CDC40: variants seen among roughly 807,000 people sequenced by gnomAD.
CDC40 encodes the protein pre-mRNA-processing factor 17.
In CDC40, 27 loss-of-function variants were observed where a neutral mutation model predicts 80.6. The ratio of observed to expected loss-of-function variants is 0.33; its 90% CI spans 0.25 to 0.46. The LOEUF (loss-of-function observed/expected upper bound fraction) is 0.46, where lower values mean the gene tolerates loss of function less well. Ranked by LOEUF, CDC40 falls within the 20% of genes least tolerant of loss-of-function variation. The probability of loss-of-function intolerance (pLI) is 1.00; values close to 1 mark genes in which losing one functional copy is unlikely to be tolerated. For missense variants in CDC40, 486 were observed against 694.1 expected (o/e 0.70, Z 3.37); for synonymous variants, 221 against 232.6 (o/e 0.95, Z 0.45).
chr6:110,190,721 G>A (rs544523015), intron 1 of CDC40, among the ~76,000 whole-genome samples: 1 of 152,264 alleles, frequency 6.6e-6, no homozygotes, highest in South Asian at 2.1e-4. Flanking sequence ...CAAGCTCAGG[G>A]GGACCGAGCT....
At chr6:110,208,310 TTTC>T in intron 4 of CDC40, among the ~76,000 whole-genome samples, 1 of 152,170 alleles carries the variant, frequency 6.6e-6, no homozygotes, top group East Asian at 1.9e-4. Context: ...TAGGTAGACA[TTTC>T]TTCTTTAAGC....
chr6:110,187,470 A>G (rs1014612401), intron 1 of CDC40, among the ~76,000 whole-genome samples: 34 of 152,148 alleles, frequency 2.2e-4, no homozygotes, highest in Non-Finnish European at 4.4e-5. Context: ...GTGAGCTTCA[A>G]ATGGACGACC....
At chr6:110,183,456 A>T (rs894065554) in intron 1 of CDC40, among the ~76,000 whole-genome samples, 4 of 152,200 alleles carry the variant, frequency 2.6e-5, no homozygotes, top group African/African-American at 9.7e-5. Context: ...ACGAATAAAT[A>T]AGGGAACCCA....
intron 1 of CDC40, among the ~76,000 whole-genome samples, chr6:110,187,252 A>G (rs1221911413): frequency 6.6e-6 from 1 of 152,254 alleles, no homozygotes; most frequent in Middle Eastern, 3.2e-3. Context: ...AGTGGACCCT[A>G]TTGGATTGCA....
At chr6:110,199,608 A>AC (rs1482097663) in intron 2 of CDC40, among the ~76,000 whole-genome samples, 4 of 151,994 alleles carry the variant, frequency 2.6e-5, no homozygotes, top group African/African-American at 9.7e-5. Flanking sequence ...AAAAAAAAAA[A>AC]AGTGGAGCTA....
chr6:110,210,602 C>A, intron 5 of CDC40, 105 bp from the exon 6 acceptor site: 8 of 308,856 alleles, frequency 2.6e-5, no homozygotes, highest in Non-Finnish European at 4.8e-5. Flanking sequence ...TGGGAACATA[C>A]TCGGACCAGA....
At chr6:110,204,099 G>T (rs1777527130) in intron 3 of CDC40, among the ~76,000 whole-genome samples, 1 of 151,972 alleles carries the variant, frequency 6.6e-6, no homozygotes, top group South Asian at 2.1e-4. Flanking sequence ...TGCAAGCTCC[G>T]CCTCCTGGGT....
Position 110,213,127 on chromosome 6 carries a change from A to G in CDC40, c.909A>G (p.Leu303=), listed in dbSNP as rs374715920. Residue 303 remains leucine, a synonymous_variant, in exon 8 of 15, where the codon TTA becomes TTG. Transcript: ENST00000307731. ...AVRLFPLSGH[L]LLSCSMDCKI... ...GATTGTTTCCTCTCTCTGGCCATTT[A>G]TTGCTGTCTTGTTCCATGGACTGTA... is the stretch of plus-strand genomic sequence containing the variant. The G allele has an allele frequency of 6.2e-7, 1 of 1,611,970 alleles. No individual in the cohort carries two copies. The highest frequency in any genetic ancestry group is 8.5e-7 in the Non-Finnish European group (1 of 1,178,116).
At chr6:110,207,640 A>C in intron 4 of CDC40, 51 bp downstream of exon 4, 1 of 951,652 alleles carries the variant, frequency 1.1e-6, no homozygotes. Context: ...ATCTATAATT[A>C]GTGTCTTGCA....
In CDC40 at chr6:110,180,597, A is replaced by C; in HGVS notation, c.153A>C (p.Ala51=). Residue 51 remains alanine (A), a synonymous_variant, in exon 1 of 15, where the codon GCA becomes GCC. Transcript: ENST00000307731. Reference sequence around the variant, plus strand: ...CGCCTTCATCAAAGCCGTCTCTAGCAGTGGCAGTGGACTCGGCTCCGGAGG... The same window carrying C: ...CGCCTTCATCAAAGCCGTCTCTAGCCGTGGCAGTGGACTCGGCTCCGGAGG... ...TKSPSSKPSL[A]VAVDSAPEVA... is the part of the protein sequence containing the mutation. The C allele has an allele frequency of 6.2e-7, 1 of 1,614,028 alleles. No homozygotes were observed. Among genetic ancestry groups the C allele is most frequent in the East Asian group, 2.2e-5 (1 of 44,876 alleles).
chr6:110,194,026 T>G (rs1178844028), intron 2 of CDC40, among the ~76,000 whole-genome samples: 1 of 152,216 alleles, frequency 6.6e-6, no homozygotes, highest in Non-Finnish European at 1.5e-5. Context: ...TCACAGTGTT[T>G]GATGCCTGCT....
In CDC40 at chr6:110,209,099, A is replaced by T. The variant is rs932841821; in HGVS notation, c.506A>T (p.Glu169Val). ...AEKNQGLTVF[E>V]TGQKKTEKRK... is the part of the protein sequence containing the mutation. The stretch of plus-strand genomic sequence containing the variant: ...GTTAACGTAGGTTTAACTGTATTTG[A>T]AACTGGTCAGAAGAAAACAGAAAAG... Residue 169 changes from glutamate (E) to valine (V), a missense_variant, in exon 5 of 15, where the codon GAA becomes GTA. Physicochemically the swap from Glu to Val is moderately radical, Grantham distance 121 (BLOSUM62 -2). This residue lies in a region of CDC40 where 381 missense variants were observed against 492.1 expected (regional missense o/e 0.77). Coordinates refer to ENST00000307731, the MANE Select transcript of CDC40 (RefSeq NM_015891.3). The T allele has an allele frequency of 1.3e-6, 2 of 1,575,554 alleles. No individual in the cohort carries two copies. Among genetic ancestry groups the T allele is most frequent in the Non-Finnish European group, 1.7e-6 (2 of 1,147,408 alleles).
At chr6:110,219,239 T>G in intron 10 of CDC40, 125 bp from the exon 11 acceptor site, 1 of 496,860 alleles carries the variant, frequency 2.0e-6, no homozygotes, top group Non-Finnish European at 3.6e-6. Flanking sequence ...TAGTTTACAG[T>G]AAAGAGCAAG....
intron 1 of CDC40, among the ~76,000 whole-genome samples, chr6:110,181,921 T>C (rs1777203364): frequency 6.6e-6 from 1 of 152,200 alleles, no homozygotes; most frequent in Non-Finnish European, 1.5e-5. Context: ...AGCATTCTGT[T>C]CCAATTATTT....
chr6:110,206,384 T>C (rs1777563107), intron 3 of CDC40, among the ~76,000 whole-genome samples: 1 of 152,242 alleles, frequency 6.6e-6, no homozygotes, highest in Non-Finnish European at 1.5e-5. Flanking sequence ...ACATGAGTTG[T>C]AGGCCATAAA....
chr6:110,201,162 T>C (rs1288492679), intron 2 of CDC40, among the ~76,000 whole-genome samples: 1 of 152,178 alleles, frequency 6.6e-6, no homozygotes, highest in Non-Finnish European at 1.5e-5. Context: ...TATATGACAG[T>C]ACCACTGTTG....
rs570534843 is a variant in CDC40, at chr6:110,217,515, G to A, written c.989-187G>A. Among the ~76,000 whole-genome samples, 6 of 151,926 alleles carry A rather than the reference G, an allele frequency of 3.9e-5. No individual in the cohort carries two copies. In the South Asian group the frequency reaches 1.2e-3, roughly 32 times the overall value. Reference sequence around the variant, plus strand: ...GGAGCTTCTTCAAGGGGAAAAAAACGCCCACATTCTGAAGCCCACACATAA... The same window carrying A: ...GGAGCTTCTTCAAGGGGAAAAAAACACCCACATTCTGAAGCCCACACATAA... On this transcript the variant is annotated intron_variant, in intron 9 of 14. Coordinates refer to ENST00000307731, the MANE Select transcript of CDC40 (RefSeq NM_015891.3).
chr6:110,214,667 T>C (rs1777677258), intron 8 of CDC40, among the ~76,000 whole-genome samples: 1 of 152,208 alleles, frequency 6.6e-6, no homozygotes, highest in African/African-American at 2.4e-5. Context: ...GGAAATGCTT[T>C]CTATTTTAGA....
Position 110,180,513 on chromosome 6 carries a change from C to G in CDC40, c.69C>G (p.Asp23Glu). 1.2e-6 allele frequency: 2 copies of G among 1,614,194 alleles called. No homozygotes were observed. The highest frequency in any genetic ancestry group is 1.3e-5 in the African/African-American group (1 of 75,062). The stretch of plus-strand genomic sequence containing the variant: ...GTTCAGGGTCCGAATCGGACTCGGA[C>G]AGTGAGAGCAGTCGGTGTCCGCTGC... ...GSGSGSESDS[D>E]SESSRCPLPA... is the part of the protein sequence containing the mutation. The change falls in exon 1 of 15, where the codon GAC (aspartate) becomes GAG (glutamate). Residue 23 changes from aspartate to glutamate, a missense_variant. Asp to Glu is a conservative substitution (Grantham distance 45, BLOSUM62 2). Coordinates refer to ENST00000307731, the MANE Select transcript of CDC40 (RefSeq NM_015891.3).
Sources: allele counts gnomAD v4.1 joint callset (sites outside exome capture counted in the v4.1 genomes callset), GRCh38; gene constraint gnomAD v4.1.1; regional missense constraint gnomAD v4.1.1; transcripts MANE v1.5; gene names NCBI Gene and HGNC (gene_info 2026-07-23, HGNC 2026-07-21).